The following IQCM variants were observed in gnomAD, a reference collection of about 807,000 sequenced individuals.
The protein encoded by IQCM is IQ domain-containing protein M.
A neutral mutation model predicts 57.6 loss-of-function variants in IQCM; 45 were observed. The observed-to-expected ratio is 0.78, with a 90% CI of 0.62 to 1.00. The LOEUF is 1.00. Ranked by LOEUF, IQCM falls within the 50% of genes least tolerant of loss-of-function variation. The pLI is 0.00. For missense variants in IQCM, 468 were observed against 511.6 expected (o/e 0.91, Z 0.82); for synonymous variants, 148 against 158.9 (o/e 0.93, Z 0.51).
chr4:149,698,496 G>A (rs1302530902), intron 5 of IQCM, among the ~76,000 whole-genome samples: 1 of 152,208 alleles, frequency 6.6e-6, no homozygotes, highest in South Asian at 2.1e-4. Flanking sequence ...GTTAGCAGAA[G>A]AGTTGAAAGT....
intron 2 of IQCM, among the ~76,000 whole-genome samples, chr4:149,746,552 A>G (rs531423790): frequency 6.6e-6 from 1 of 152,246 alleles, no homozygotes; most frequent in East Asian, 1.9e-4. Flanking sequence ...TTAAAATAAA[A>G]CGTAATCTCT....
intron 2 of IQCM, among the ~76,000 whole-genome samples, chr4:149,753,570 A>G (rs1237283047): frequency 6.6e-6 from 1 of 151,934 alleles, no homozygotes; most frequent in Non-Finnish European, 1.5e-5. Context: ...TAACAATGAA[A>G]AGATATAAAG....
chr4:149,518,596 T>C (rs924769003), intron 12 of IQCM, among the ~76,000 whole-genome samples: 20 of 152,014 alleles, frequency 1.3e-4, no homozygotes, highest in Admixed American at 1.2e-3. Flanking sequence ...GCCAGGAAAA[T>C]AGGAAGAAAA....
chr4:149,368,468 C>T (rs181651002), intron 13 of IQCM, among the ~76,000 whole-genome samples: 50 of 151,964 alleles, frequency 3.3e-4, no homozygotes, highest in Middle Eastern at 3.4e-3. Flanking sequence ...AAAGAATACT[C>T]AACCATTTCC....
At position 149,640,769 on chromosome 4, in the gene IQCM, G is replaced by A. The variant is rs1758112789; in HGVS notation, c.566-19525C>T. ...CTTTTGATACAAAGACAATTTAATG[G>A]AGTCGAGAATATATTAAAAGTTTTT... On this transcript the variant is annotated intron_variant, in intron 7 of 13. Coordinates refer to ENST00000636793, the MANE Select transcript of IQCM (RefSeq NM_001363507.2). Among the ~76,000 whole-genome samples, 4 of 152,102 alleles carry A rather than the reference G, an allele frequency of 2.6e-5. No homozygotes were observed. The South Asian group carries it at 8.3e-4, about 32-fold the overall frequency.
At chr4:149,654,168 C>G (rs1759436202) in intron 7 of IQCM, among the ~76,000 whole-genome samples, 1 of 152,210 alleles carries the variant, frequency 6.6e-6, no homozygotes, top group South Asian at 2.1e-4. Context: ...ATATGTAGCT[C>G]TATCTACTAC....
chr4:149,795,485 G>T (rs1773029222), intron 2 of IQCM, among the ~76,000 whole-genome samples: 2 of 152,242 alleles, frequency 1.3e-5, no homozygotes, highest in South Asian at 2.1e-4. Flanking sequence ...GTGCACTGAG[G>T]CTCTAAATAA....
intron 2 of IQCM, among the ~76,000 whole-genome samples, chr4:149,760,799 T>C (rs982389209): frequency 6.6e-6 from 1 of 152,178 alleles, no homozygotes; most frequent in African/African-American, 2.4e-5. Context: ...TATTCTCTTC[T>C]TAGTATTTAC....
chr4:149,354,532 T>C (rs1353865119), intron 13 of IQCM, among the ~76,000 whole-genome samples: 1 of 152,044 alleles, frequency 6.6e-6, no homozygotes, highest in East Asian at 1.9e-4. Flanking sequence ...TGCATTCTAG[T>C]TCTTGAAATG....
chr4:149,385,505 GATCA>G (rs1731361818), intron 13 of IQCM, among the ~76,000 whole-genome samples: 1 of 151,928 alleles, frequency 6.6e-6, no homozygotes, highest in South Asian at 2.1e-4. Flanking sequence ...TGTATTGGTG[GATCA>G]ATCACAAATT....
chr4:149,751,517 A>G (rs187987284), intron 2 of IQCM, among the ~76,000 whole-genome samples: 1 of 152,254 alleles, frequency 6.6e-6, no homozygotes, highest in Admixed American at 6.5e-5. Flanking sequence ...GAATCCTGGG[A>G]GCTGCACAGT....
intron 12 of IQCM, among the ~76,000 whole-genome samples, chr4:149,520,666 A>C (rs192741132): frequency 1.4e-4 from 22 of 152,322 alleles, no homozygotes; most frequent in Non-Finnish European, 2.8e-4. Context: ...TGAATGCTCC[A>C]GATGTCACTA....
intron 2 of IQCM, among the ~76,000 whole-genome samples, chr4:149,792,179 G>A (rs142300525): frequency 6.6e-6 from 1 of 152,126 alleles, no homozygotes; most frequent in Non-Finnish European, 1.5e-5. Context: ...GAATAGTATA[G>A]GTTATATTAA....
At chr4:149,631,184 G>A (rs1370232289) in intron 7 of IQCM, among the ~76,000 whole-genome samples, 2 of 152,184 alleles carry the variant, frequency 1.3e-5, no homozygotes, top group Non-Finnish European at 2.9e-5. Flanking sequence ...ATGACTTGCT[G>A]CTGGAGGAAT....
intron 12 of IQCM, among the ~76,000 whole-genome samples, chr4:149,473,079 T>G (rs762522809): frequency 6.6e-6 from 1 of 152,136 alleles, no homozygotes; most frequent in Non-Finnish European, 1.5e-5. Flanking sequence ...ACTTCATGAC[T>G]AAAACACCAA....
rs374302409 is a variant in IQCM at position 149,417,368 on chromosome 4, T to A, written c.1390+16028A>T. ...GCATGTTCATCTCTTGCACATGGAT[T>A]TTGATCCCCTCATGTCAGATCGGAA... On this transcript the variant is annotated intron_variant, in intron 13 of 13. Transcript: ENST00000636793. Among the ~76,000 whole-genome samples, 59 of 152,224 alleles carry A rather than the reference T, an allele frequency of 3.9e-4. 1 individual carries two copies. The East Asian group carries it at 0.01, about 26-fold the overall frequency.
rs1019979472 is a variant in IQCM, at chr4:149,667,835, T to C, written c.565+14283A>G. ...CAAGCAGAAGAAAGGACATCAGAGA[T>C]TGAAGATCAATTTAATGAAATAAAG... On this transcript the variant is annotated intron_variant, in intron 7 of 13. Transcript: ENST00000636793. 6.6e-5 allele frequency among the ~76,000 whole-genome samples: 10 copies of C among 151,154 alleles called. No individual in the cohort carries two copies. The East Asian group carries it at 1.4e-3, about 21-fold the overall frequency.
chr4:149,805,936 A>T (rs554171081), intron 2 of IQCM, among the ~76,000 whole-genome samples: 2 of 152,084 alleles, frequency 1.3e-5, no homozygotes, highest in South Asian at 4.1e-4. Context: ...TGATGTTAAT[A>T]TGAATTTTGG....
chr4:149,554,771 C>T (rs890085966), intron 10 of IQCM, among the ~76,000 whole-genome samples: 4 of 151,510 alleles, frequency 2.6e-5, no homozygotes, highest in African/African-American at 7.3e-5. Flanking sequence ...GCGATCTCGG[C>T]TCACTGCAAG....
Sources: gnomAD v4.1 joint callset for allele counts (sites outside exome capture counted in the v4.1 genomes callset) on GRCh38, gnomAD v4.1.1 for gene constraint, MANE v1.5 for transcripts, NCBI Gene and HGNC (gene_info 2026-07-23, HGNC 2026-07-21) for gene names.